CNTN4: variants seen among roughly 807,000 people sequenced by gnomAD.
The protein encoded by CNTN4 is contactin-4.
Under a neutral mutation model 122.5 loss-of-function variants are expected in CNTN4, and 77 were observed. The ratio of observed to expected loss-of-function variants is 0.63; its 90% confidence interval spans 0.52 to 0.76. The LOEUF is 0.76. CNTN4 is among the 30% of genes least tolerant of loss of function. The pLI is 0.00. For missense variants in CNTN4, 1,256 were observed against 1,259.1 expected (o/e 1.00, Z 0.04); for synonymous variants, 512 against 447.0 (o/e 1.15, Z -1.83).
chr3:2,470,159 A>G (rs2075635409), intron 3 of CNTN4, among the ~76,000 whole-genome samples: 1 of 151,686 alleles, frequency 6.6e-6, no homozygotes, highest in African/African-American at 2.4e-5. Context: ...TCTGCCTCCC[A>G]GGTTCAAGCG....
Position 2,791,407 on chromosome 3 carries a change from C to T in CNTN4, c.359-28079C>T, listed in dbSNP as rs188346549. Among the ~76,000 whole-genome samples, 8 of 151,838 alleles carry T rather than the reference C, an allele frequency of 5.3e-5. No homozygotes were observed. The East Asian group carries it at 1.6e-3, about 29-fold the overall frequency. ...AATTAGCTGAGCATGGTGGCGTGTA[C>T]CTCTAGTCCCAGCTACTCAGGAGGC... is the stretch of plus-strand genomic sequence containing the variant. On this transcript the variant is annotated intron_variant, in intron 6 of 24. Transcript: ENST00000418658.
At chr3:2,941,371 A>C (rs1577346381) in intron 13 of CNTN4, among the ~76,000 whole-genome samples, 1 of 152,126 alleles carries the variant, frequency 6.6e-6, no homozygotes, top group Non-Finnish European at 1.5e-5. Context: ...GTGTGTCTTC[A>C]GTACAGGATT....
At chr3:2,642,096 T>C (rs1318376952) in intron 4 of CNTN4, among the ~76,000 whole-genome samples, 2 of 152,202 alleles carry the variant, frequency 1.3e-5, no homozygotes, top group East Asian at 1.9e-4. Context: ...ATAGGCTGTC[T>C]GCAAGCTGCG....
intron 13 of CNTN4, among the ~76,000 whole-genome samples, chr3:2,951,398 A>C (rs1421273041): frequency 6.6e-6 from 1 of 152,180 alleles, no homozygotes; most frequent in East Asian, 1.9e-4. Flanking sequence ...TGAGAATCTA[A>C]TGCTGCTGCT....
At position 2,819,485 on chromosome 3, in the gene CNTN4, G is replaced by T; in HGVS notation, c.359-1G>T. On this transcript the variant is annotated splice_acceptor_variant, in intron 6 of 24. Transcript: ENST00000418658. LOFTEE classifies it high-confidence loss of function. ...GCTTTTTCCCATATTTCTCCCAACA[G>T]ATCTTGACAACTTTAAAACAAGAAC... 4.3e-6 allele frequency: 7 copies of T among 1,612,082 alleles called. No homozygotes were observed. Among genetic ancestry groups the T allele is most frequent in the Non-Finnish European group, 5.9e-6 (7 of 1,178,168 alleles).
chr3:2,470,058 A>G (rs930123125), intron 3 of CNTN4, among the ~76,000 whole-genome samples: 1 of 151,274 alleles, frequency 6.6e-6, no homozygotes, highest in Non-Finnish European at 1.5e-5. Context: ...ATGACTAGGT[A>G]TATGTTGCTT....
At chr3:2,774,580 C>T (rs2091240313) in intron 6 of CNTN4, among the ~76,000 whole-genome samples, 1 of 152,110 alleles carries the variant, frequency 6.6e-6, no homozygotes, top group African/African-American at 2.4e-5. Context: ...CAATTGATAG[C>T]TTATGTATTT....
intron 13 of CNTN4, among the ~76,000 whole-genome samples, chr3:2,938,931 G>A (rs1391926032): frequency 6.6e-6 from 1 of 152,170 alleles, no homozygotes; most frequent in Non-Finnish European, 1.5e-5. Flanking sequence ...GAACTGAAGT[G>A]ATGTGACTGG....
At chr3:2,152,860 C>T (rs2035556019) in intron 2 of CNTN4, among the ~76,000 whole-genome samples, 1 of 152,152 alleles carries the variant, frequency 6.6e-6, no homozygotes, top group South Asian at 2.1e-4. Flanking sequence ...CAGTCATTTT[C>T]ATGAGAAGAG....
chr3:2,722,329 G>C lies in CNTN4; in HGVS notation c.56-13886G>C, dbSNP rs117792408. ...CTCAGTGTGAATAGTCTAGTACATAGTGGGTACTCAGTAAATACTTGTTGA... is the reference window on the plus strand; with the variant it reads ...CTCAGTGTGAATAGTCTAGTACATACTGGGTACTCAGTAAATACTTGTTGA... On this transcript the variant is annotated intron_variant, in intron 4 of 24. Coordinates refer to ENST00000418658, the MANE Select transcript of CNTN4 (RefSeq NM_175607.3). 2.4e-4 allele frequency among the ~76,000 whole-genome samples: 36 copies of C among 152,294 alleles called. 2 individuals are homozygous for C. In the East Asian group the frequency reaches 7.0e-3, roughly 29 times the overall value.
chr3:2,914,983 TTAATA>T (rs1013351956), intron 12 of CNTN4, among the ~76,000 whole-genome samples: 6 of 152,200 alleles, frequency 3.9e-5, no homozygotes, highest in Admixed American at 3.9e-4. Context: ...CAATAATCAG[TTAATA>T]TAATATACTG....
At chr3:2,349,149 C>G (rs1362794446) in intron 3 of CNTN4, among the ~76,000 whole-genome samples, 1 of 152,046 alleles carries the variant, frequency 6.6e-6, no homozygotes, top group Non-Finnish European at 1.5e-5. Flanking sequence ...ATATAAAGAA[C>G]CATCATATCT....
chr3:2,360,396 C>G (rs1175866272), intron 3 of CNTN4, among the ~76,000 whole-genome samples: 1 of 152,090 alleles, frequency 6.6e-6, no homozygotes, highest in Non-Finnish European at 1.5e-5. Flanking sequence ...TTTCATCTTT[C>G]AGTGAACTGG....
intron 7 of CNTN4, among the ~76,000 whole-genome samples, chr3:2,827,164 C>T (rs1055288664): frequency 2.6e-5 from 4 of 152,176 alleles, no homozygotes; most frequent in African/African-American, 9.7e-5. Flanking sequence ...GGTCACTTTC[C>T]TCAGGAAGCA....
chr3:2,493,074 C>A (rs1028571050), intron 3 of CNTN4, among the ~76,000 whole-genome samples: 1 of 152,114 alleles, frequency 6.6e-6, no homozygotes, highest in African/African-American at 2.4e-5. Context: ...TCTGAAAGTT[C>A]TTAAATTGTA....
chr3:2,576,438 C>T (rs1446721188), intron 4 of CNTN4, among the ~76,000 whole-genome samples: 3 of 152,086 alleles, frequency 2.0e-5, no homozygotes, highest in Non-Finnish European at 2.9e-5. Context: ...TTTCAAAAGT[C>T]GATGTAAATA....
chr3:2,205,770 T>C (rs1466636647), intron 2 of CNTN4, among the ~76,000 whole-genome samples: 4 of 152,010 alleles, frequency 2.6e-5, no homozygotes, highest in Admixed American at 6.6e-5. Context: ...TAAAGTGACA[T>C]GTATATGGTT....
intron 17 of CNTN4, among the ~76,000 whole-genome samples, chr3:3,035,202 G>A (rs1289101574): frequency 3.3e-5 from 5 of 151,710 alleles, no homozygotes; most frequent in Admixed American, 6.6e-5. Context: ...TAGCAACTCA[G>A]GAGGCTGAGG....
chr3:2,638,011 C>T (rs2082739905), intron 4 of CNTN4, among the ~76,000 whole-genome samples: 2 of 152,136 alleles, frequency 1.3e-5, no homozygotes, highest in Admixed American at 6.5e-5. Flanking sequence ...ATAAATTGTA[C>T]CTCTACAATA....
Sources: gnomAD v4.1 joint callset for allele counts (sites outside exome capture counted in the v4.1 genomes callset) on GRCh38, gnomAD v4.1.1 for gene constraint, MANE v1.5 for transcripts, NCBI Gene and HGNC (gene_info 2026-07-23, HGNC 2026-07-21) for gene names.